The following GPD2 variants were observed in gnomAD, a reference collection of about 807,000 sequenced individuals.
The protein encoded by GPD2 is glycerol-3-phosphate dehydrogenase 2, also known as glycerol-3-phosphate dehydrogenase, mitochondrial.
GPD2 carries 54 observed loss-of-function variants against 82.4 expected under a neutral mutation model. The observed-to-expected ratio is 0.66, with a 90% CI of 0.53 to 0.82. The LOEUF (loss-of-function observed/expected upper bound fraction) is 0.82. Among genes scored for constraint, GPD2 ranks in the 40% least tolerant of loss-of-function variants. The pLI, the probability that GPD2 is intolerant of heterozygous loss-of-function variation, is 0.00. For missense variants in GPD2, 748 were observed against 896.2 expected, an observed-to-expected ratio of 0.83 and a Z score of 2.11; for synonymous variants, 288 against 306.1, an observed-to-expected ratio of 0.94 and a Z score of 0.62.
chr2:156,550,930 T>A (rs909860208), intron 8 of GPD2, among the ~76,000 whole-genome samples, 184 bp downstream of exon 8: 1 of 152,226 alleles, frequency 6.6e-6, no homozygotes, highest in Non-Finnish European at 1.5e-5. Flanking sequence ...TTTAGCCACT[T>A]ATGGCAATAC....
At chr2:156,497,517 G>T (rs1049444827) in intron 3 of GPD2, among the ~76,000 whole-genome samples, 1 of 152,010 alleles carries the variant, frequency 6.6e-6, no homozygotes, top group South Asian at 2.1e-4. Flanking sequence ...ACACTGAATG[G>T]GAATGATTTA....
At chr2:156,487,175 G>A (rs1026768419) in intron 2 of GPD2, among the ~76,000 whole-genome samples, 3 of 151,896 alleles carry the variant, frequency 2.0e-5, no homozygotes, top group Admixed American at 6.6e-5. Context: ...GTGTGGTGGC[G>A]GGGGGCGCCT....
chr2:156,502,313 T>C (rs1684615263), intron 3 of GPD2, among the ~76,000 whole-genome samples: 1 of 152,154 alleles, frequency 6.6e-6, no homozygotes. Context: ...TTTGATTTTA[T>C]AAAAATTAAA....
intron 7 of GPD2, among the ~76,000 whole-genome samples, 169 bp from the exon 8 acceptor site, chr2:156,550,433 G>C (rs1391406934): frequency 1.3e-5 from 2 of 152,222 alleles, no homozygotes; most frequent in African/African-American, 4.8e-5. Context: ...AATTCACTCA[G>C]ATGAGAGCCT....
intron 1 of GPD2, among the ~76,000 whole-genome samples, chr2:156,443,545 T>C (rs1240681912): frequency 6.6e-6 from 1 of 152,256 alleles, no homozygotes; most frequent in Non-Finnish European, 1.5e-5. Flanking sequence ...CTTCATCTTT[T>C]TTTAGGCATC....
intron 1 of GPD2, among the ~76,000 whole-genome samples, chr2:156,438,571 G>A (rs1224197572): frequency 2.0e-5 from 3 of 152,170 alleles, no homozygotes; most frequent in Admixed American, 6.5e-5. Context: ...TTTCAGATCA[G>A]TATCTAATTT....
intron 1 of GPD2, among the ~76,000 whole-genome samples, chr2:156,451,429 C>T (rs1283101212): frequency 7.5e-6 from 1 of 133,622 alleles, no homozygotes; most frequent in Non-Finnish European, 1.7e-5. Context: ...GCTGACCCCC[C>T]CACCTCCCTC....
intron 6 of GPD2, among the ~76,000 whole-genome samples, chr2:156,516,536 C>T (rs776734756): frequency 7.2e-5 from 11 of 152,160 alleles, no homozygotes; most frequent in Non-Finnish European, 1.5e-4. Flanking sequence ...ATCTCCGGGG[C>T]TCAAGCAATC....
At chr2:156,530,926 A>C (rs1161118284) in intron 6 of GPD2, among the ~76,000 whole-genome samples, 2 of 152,164 alleles carry the variant, frequency 1.3e-5, no homozygotes, top group Non-Finnish European at 2.9e-5. Context: ...TCCTGGGCTC[A>C]AGTGATTCTC....
chr2:156,464,126 T>C (rs1408367184), intron 1 of GPD2, among the ~76,000 whole-genome samples: 1 of 152,220 alleles, frequency 6.6e-6, no homozygotes, highest in Non-Finnish European at 1.5e-5. Flanking sequence ...AAGGAAAATG[T>C]AGTATATTTT....
Position 156,522,341 on chromosome 2 carries a change from T to C in GPD2, c.661+8845T>C, listed in dbSNP as rs190417630. Among the ~76,000 whole-genome samples, 45 of 152,348 alleles carry C rather than the reference T, an allele frequency of 3.0e-4. 1 individual carries two copies. Among genetic ancestry groups the C allele is most frequent in the African/African-American group, 1.0e-3 (43 of 41,586 alleles). On this transcript the variant is annotated intron_variant, in intron 6 of 16. Transcript: ENST00000438166. ...ATAGTAGTCATCCATATTTGTACTC[T>C]GTATATAAAAGCTTAAAGACAGTGC...
chr2:156,404,664 A>AC, the GPD2 span, among the ~76,000 whole-genome samples: 4 of 127,788 alleles, frequency 3.1e-5, no homozygotes, highest in Admixed American at 9.1e-5. Context: ...AATGTGTGAA[A>AC]CCCCGTCTCT....
intron 3 of GPD2, among the ~76,000 whole-genome samples, chr2:156,500,985 T>C (rs1057230089): frequency 6.6e-6 from 1 of 152,180 alleles, no homozygotes; most frequent in African/African-American, 2.4e-5. Flanking sequence ...TGTGGGCACT[T>C]TGCTCCCAAA....
intron 2 of GPD2, among the ~76,000 whole-genome samples, chr2:156,487,359 T>A: frequency 6.6e-6 from 1 of 152,128 alleles, no homozygotes; most frequent in East Asian, 1.9e-4. Flanking sequence ...GTGTGACAAC[T>A]TAACTGCCCA....
At chr2:156,578,449 C>A (rs928843663) in intron 13 of GPD2, among the ~76,000 whole-genome samples, 1 of 151,954 alleles carries the variant, frequency 6.6e-6, no homozygotes, top group Non-Finnish European at 1.5e-5. Context: ...TAAGAATACT[C>A]AGCAGTACAA....
chr2:156,443,334 AT>A (rs1682242799), intron 1 of GPD2, among the ~76,000 whole-genome samples: 1 of 152,148 alleles, frequency 6.6e-6, no homozygotes, highest in South Asian at 2.1e-4. Context: ...ATCTTACACA[AT>A]TTTGTAGACC....
chr2:156,445,866 G>T (rs563337725), intron 1 of GPD2, among the ~76,000 whole-genome samples: 1 of 152,144 alleles, frequency 6.6e-6, no homozygotes, highest in East Asian at 1.9e-4. Context: ...TAGTGGTTAG[G>T]GTAGGCTCAA....
At chr2:156,453,986 T>TG (rs1406652958) in intron 1 of GPD2, among the ~76,000 whole-genome samples, 2 of 152,120 alleles carry the variant, frequency 1.3e-5, no homozygotes, top group Non-Finnish European at 2.9e-5. Flanking sequence ...TAGCAGTAGT[T>TG]GGGTAGATGA....
At chr2:156,477,788 C>A (rs1209881761) in intron 2 of GPD2, among the ~76,000 whole-genome samples, 1 of 152,120 alleles carries the variant, frequency 6.6e-6, no homozygotes, top group Non-Finnish European at 1.5e-5. Context: ...GCTTGATGTA[C>A]TATTTCTTTT....
Sources: allele counts gnomAD v4.1 joint callset (sites outside exome capture counted in the v4.1 genomes callset), GRCh38; gene constraint gnomAD v4.1.1; transcripts MANE v1.5; gene names NCBI Gene and HGNC (gene_info 2026-07-23, HGNC 2026-07-21).